Variants in YJU2B observed in about 807,000 individuals in gnomAD.
YJU2B encodes probable splicing factor YJU2B.
In YJU2B, 18 loss-of-function variants were observed where a neutral mutation model predicts 38.0. That is an observed-to-expected ratio of 0.47 (90% CI 0.33 to 0.70). YJU2B has a LOEUF of 0.70. Among genes scored for constraint, YJU2B ranks in the 30% least tolerant of loss-of-function variants. The probability of loss-of-function intolerance (pLI) is 0.02; values close to 1 mark genes in which losing one functional copy is unlikely to be tolerated. For missense variants in YJU2B, 538 were observed against 556.3 expected (o/e 0.97, Z 0.33); for synonymous variants, 246 against 225.4 (o/e 1.09, Z -0.82).
At chr19:13,743,711 G>C (rs1973155504), upstream of YJU2B, among the ~76,000 whole-genome samples, 1 of 147,232 alleles carries the variant, frequency 6.8e-6, no homozygotes, top group African/African-American at 2.5e-5. Context: ...TGGCCAACAT[G>C]ACGAAGCCCT....
chr19:13,759,593 C>T (rs1156451139), intron 8 of YJU2B: 4 of 232,068 alleles, frequency 1.7e-5, no homozygotes, highest in African/African-American at 4.5e-5. Context: ...CCCCCCTCCC[C>T]CAGCATCTCT....
intron 8 of YJU2B, among the ~76,000 whole-genome samples, chr19:13,760,645 G>A (rs559893692): frequency 2.7e-4 from 41 of 151,904 alleles, no homozygotes; most frequent in South Asian, 6.2e-4. Context: ...CCAGGCTGGA[G>A]TACAGCGGCA....
intron 1 of YJU2B, among the ~76,000 whole-genome samples, chr19:13,748,336 C>G (rs1015856493): frequency 3.9e-5 from 6 of 152,044 alleles, no homozygotes; most frequent in African/African-American, 1.2e-4. Flanking sequence ...CAGGCGCTGC[C>G]CTGAATGCCT....
At chr19:13,758,832 A>G (rs1372342285) in intron 6 of YJU2B, 36 bp from the exon 7 acceptor site, 1 of 1,612,300 alleles carries the variant, frequency 6.2e-7, no homozygotes, top group Admixed American at 1.7e-5. Context: ...GTGCACAGCC[A>G]CAGCCTCCTG....
At position 13,762,930 on chromosome 19, in the gene YJU2B, G is replaced by A. The variant is rs748867066; in HGVS notation, c.1053G>A (p.Gly351=). Residue 351 remains glycine, a synonymous_variant, in exon 10 of 10, where the codon GGG becomes GGA. Transcript: ENST00000221554. ...TETPKCSSPR[G]QEGSRQDKPL... ...CCCCCAAGTGCAGCAGCCCGAGGGG[G>A]CAGGAAGGGAGCCGTCAGGACAAGC... is the stretch of plus-strand genomic sequence containing the variant. 5 of 1,611,940 alleles carry A rather than the reference G, an allele frequency of 3.1e-6. No homozygotes were observed. The highest frequency in any genetic ancestry group is 2.2e-5 in the East Asian group (1 of 44,852).
At chr19:13,758,454 CAAAT>C (rs1331175240) in intron 6 of YJU2B, among the ~76,000 whole-genome samples, 1 of 152,146 alleles carries the variant, frequency 6.6e-6, no homozygotes, top group African/African-American at 2.4e-5. Context: ...AATGAATGAA[CAAAT>C]GAATGAACAG....
intron 2 of YJU2B, among the ~76,000 whole-genome samples, chr19:13,738,662 C>A (rs200813064): frequency 6.6e-6 from 1 of 151,852 alleles, no homozygotes; most frequent in Non-Finnish European, 1.5e-5. Context: ...GAGGCCGAGG[C>A]GGGCAGATCA....
chr19:13,757,872 G>T, intron 6 of YJU2B, 26 bp downstream of exon 6: 1 of 1,605,894 alleles, frequency 6.2e-7, no homozygotes, highest in Non-Finnish European at 8.5e-7. Context: ...TGGCATCTTG[G>T]GAACAGGTGG....
chr19:13,751,851 G>A (rs1973479838), intron 2 of YJU2B, 40 bp downstream of exon 2: 1 of 1,609,012 alleles, frequency 6.2e-7, no homozygotes, highest in South Asian at 1.1e-5. Flanking sequence ...TTCTCTCCCA[G>A]TCTTTGTAGG....
chr19:13,754,140 C>A, intron 2 of YJU2B, 149 bp from the exon 3 acceptor site: 1 of 645,446 alleles, frequency 1.5e-6, no homozygotes, highest in Non-Finnish European at 2.8e-6. Flanking sequence ...CCACTGCACT[C>A]CAGCATGGGT....
At chr19:13,732,970 C>T (rs1290470326) in intron 2 of YJU2B, among the ~76,000 whole-genome samples, 4 of 149,766 alleles carry the variant, frequency 2.7e-5, no homozygotes, top group Non-Finnish European at 5.9e-5. Flanking sequence ...TGCTCTGTCA[C>T]CCAGGCTGGA....
chr19:13,754,992 G>A (rs935062695), intron 3 of YJU2B, among the ~76,000 whole-genome samples: 4 of 151,906 alleles, frequency 2.6e-5, no homozygotes, highest in East Asian at 1.9e-4. Context: ...TTCTCCATAC[G>A]TCAGAAGGGG....
chr19:13,760,678 G>A (rs1383518616), intron 8 of YJU2B, among the ~76,000 whole-genome samples: 2 of 151,628 alleles, frequency 1.3e-5, no homozygotes, highest in Non-Finnish European at 2.9e-5. Flanking sequence ...CTGCAGCCTC[G>A]ATGTCCCAGG....
Position 13,759,180 on chromosome 19 carries a change from A to G in YJU2B, c.481A>G (p.Lys161Glu). The change falls in exon 8 of 10, where the codon AAG becomes GAG. Residue 161 changes from lysine (K) to glutamate (E), a missense_variant. Coordinates refer to ENST00000221554, the MANE Select transcript of YJU2B (RefSeq NM_030818.4). ...CGAGGCCGACCGCAGCACACTCAAG[A>G]AGGCGCTGCCCACACTGAGCCACAT... Reference protein sequence around the residue: ...HGEADRSTLKKALPTLSHIQE... With the variant: ...HGEADRSTLKEALPTLSHIQE... 1 of 1,613,576 alleles carries G rather than the reference A, an allele frequency of 6.2e-7. No homozygotes were observed. The highest frequency in any genetic ancestry group is 8.5e-7 in the Non-Finnish European group (1 of 1,179,834).
rs763301727 is a variant in YJU2B at position 13,763,011 on chromosome 19, C to T, written c.1134C>T (p.His378=). ...CAGCTGACACCCCCGACACGCGGCA[C>T]CCCTGCAGTCTCGGCTCCTCCCTCG... ...QEAADTPDTR[H]PCSLGSSLVA... is the part of the protein sequence containing the mutation. Residue 378 remains histidine, a synonymous_variant, in exon 10 of 10, where the codon CAC becomes CAT. Transcript: ENST00000221554. 3.8e-6 allele frequency: 6 copies of T among 1,598,038 alleles called. No homozygotes were observed. Among genetic ancestry groups the T allele is most frequent in the East Asian group, 2.2e-5 (1 of 44,682 alleles).
chr19:13,744,193 AAAAAG>A (rs1023787949), upstream of YJU2B, among the ~76,000 whole-genome samples: 5 of 152,320 alleles, frequency 3.3e-5, no homozygotes, highest in South Asian at 6.2e-4. Flanking sequence ...TCTCAAAAAA[AAAAAG>A]AAAAGAAAAA....
rs189220364 is a variant in YJU2B, at chr19:13,753,277, A to G, written c.4-1012A>G. 4.2e-4 allele frequency among the ~76,000 whole-genome samples: 64 copies of G among 152,284 alleles called. 1 individual carries two copies. Among genetic ancestry groups the G allele is most frequent in the African/African-American group, 1.5e-3 (64 of 41,576 alleles). Reference sequence around the variant, plus strand: ...ATTAGTCCAGTCTCACGCTGCTCATAAAGACATACCCAAGGGCTGGGCGCG... The same window carrying G: ...ATTAGTCCAGTCTCACGCTGCTCATGAAGACATACCCAAGGGCTGGGCGCG... On this transcript the variant is annotated intron_variant, in intron 2 of 9. Coordinates refer to ENST00000221554, the MANE Select transcript of YJU2B (RefSeq NM_030818.4).
intron 5 of YJU2B, 28 bp downstream of exon 5, chr19:13,757,501 TC>T: frequency 1.3e-6 from 2 of 1,592,406 alleles, no homozygotes; most frequent in Non-Finnish European, 1.7e-6. Context: ...CTCCATTCAG[TC>T]CTGCAAACAT....
At chr19:13,741,392 A>T (rs1934473107) in intron 2 of YJU2B, among the ~76,000 whole-genome samples, 1 of 151,612 alleles carries the variant, frequency 6.6e-6, no homozygotes, top group African/African-American at 2.4e-5. Context: ...TGACCTCATG[A>T]TCGGCCCACC....
Sources: gnomAD v4.1 joint callset for allele counts (sites outside exome capture counted in the v4.1 genomes callset) on GRCh38, gnomAD v4.1.1 for gene constraint, MANE v1.5 for transcripts, NCBI Gene and HGNC (gene_info 2026-07-23, HGNC 2026-07-21) for gene names.